Variants in HPSE2 observed in about 807,000 individuals in gnomAD.
HPSE2 encodes the protein heparanase 2 (inactive).
HPSE2 carries 38 observed loss-of-function variants against 60.5 expected under a neutral mutation model. The observed-to-expected ratio is 0.63, with a 90% confidence interval of 0.48 to 0.82. HPSE2 has a LOEUF of 0.82. HPSE2 is among the 40% of genes least tolerant of loss of function. The pLI is 0.00. For synonymous variants in HPSE2, 295 were observed against 293.2 expected, an observed-to-expected ratio of 1.01 and a Z score of -0.06; for missense variants, 713 against 740.4, an observed-to-expected ratio of 0.96 and a Z score of 0.43.
chr10:98,989,905 T>A (rs1956482000), intron 3 of HPSE2, among the ~76,000 whole-genome samples: 1 of 152,168 alleles, frequency 6.6e-6, no homozygotes, highest in South Asian at 2.1e-4. Context: ...CATCACTGAA[T>A]TTTTCCTCCT....
At chr10:98,532,604 C>A (rs968840541) in intron 9 of HPSE2, among the ~76,000 whole-genome samples, 8 of 152,098 alleles carry the variant, frequency 5.3e-5, no homozygotes, top group Non-Finnish European at 8.8e-5. Flanking sequence ...GTAAAGAAGA[C>A]CAGATTGGAA....
intron 4 of HPSE2, among the ~76,000 whole-genome samples, chr10:98,731,281 AAAC>A (rs34235958): frequency 5.3e-5 from 8 of 151,878 alleles, no homozygotes; most frequent in Admixed American, 6.6e-5. Flanking sequence ...CCTTTCTCAA[AAAC>A]AACAACAACA....
intron 3 of HPSE2, among the ~76,000 whole-genome samples, chr10:99,010,994 C>A (rs569797054): frequency 9.0e-4 from 97 of 107,322 alleles, no homozygotes; most frequent in Middle Eastern, 4.3e-3. Context: ...ATTTCCTGAT[C>A]CTCTCCCTCC....
intron 3 of HPSE2, among the ~76,000 whole-genome samples, chr10:98,844,053 T>C (rs994831168): frequency 2.0e-5 from 3 of 152,336 alleles, no homozygotes; most frequent in African/African-American, 4.8e-5. Flanking sequence ...GGCTTATTTA[T>C]ATGAAGCAAT....
At chr10:98,547,606 G>A (rs944495985) in intron 9 of HPSE2, among the ~76,000 whole-genome samples, 4 of 134,210 alleles carry the variant, frequency 3.0e-5, no homozygotes, top group Non-Finnish European at 4.6e-5. Context: ...ATTGAACAAT[G>A]AGAACACATG....
intron 3 of HPSE2, among the ~76,000 whole-genome samples, chr10:98,995,609 T>C (rs1283926413): frequency 6.6e-6 from 1 of 152,150 alleles, no homozygotes; most frequent in African/African-American, 2.4e-5. Context: ...CCCCTTAAGA[T>C]AAATATTCTA....
At chr10:98,543,297 C>G (rs1337335627) in intron 9 of HPSE2, among the ~76,000 whole-genome samples, 1 of 151,960 alleles carries the variant, frequency 6.6e-6, no homozygotes, top group Non-Finnish European at 1.5e-5. Context: ...TTGTCACCAC[C>G]AGGCCTGCCG....
intron 4 of HPSE2, among the ~76,000 whole-genome samples, chr10:98,724,350 T>A (rs1326436281): frequency 1.4e-4 from 22 of 151,974 alleles, no homozygotes; most frequent in Admixed American, 1.4e-3. Flanking sequence ...TAATTTCTGT[T>A]CTTTGACATT....
chr10:98,763,740 T>C (rs1358663281), intron 3 of HPSE2, among the ~76,000 whole-genome samples: 1 of 150,900 alleles, frequency 6.6e-6, no homozygotes, highest in African/African-American at 2.4e-5. Flanking sequence ...CTAGAGAATA[T>C]ATTTTTCAGG....
chr10:98,485,386 C>T (rs1941402866), intron 10 of HPSE2, among the ~76,000 whole-genome samples: 1 of 150,856 alleles, frequency 6.6e-6, no homozygotes, highest in Non-Finnish European at 1.5e-5. Context: ...GTGTTCAAGG[C>T]TTTTGGATGC....
chr10:98,609,882 C>T (rs1384195989), intron 9 of HPSE2, among the ~76,000 whole-genome samples: 2 of 147,356 alleles, frequency 1.4e-5, no homozygotes, highest in African/African-American at 5.1e-5. Flanking sequence ...CACTCTGTCG[C>T]CCAGGCTGGA....
intron 3 of HPSE2, among the ~76,000 whole-genome samples, chr10:99,115,360 T>A (rs1404061887): frequency 6.6e-6 from 1 of 152,120 alleles, no homozygotes; most frequent in Non-Finnish European, 1.5e-5. Context: ...TTCACCGTGT[T>A]AGCCAGGATG....
chr10:99,082,768 C>T (rs559804955), intron 3 of HPSE2, among the ~76,000 whole-genome samples: 3 of 152,254 alleles, frequency 2.0e-5, no homozygotes, highest in African/African-American at 7.2e-5. Flanking sequence ...TTTAATTTTG[C>T]TATTATTTCT....
intron 6 of HPSE2, among the ~76,000 whole-genome samples, chr10:98,655,399 C>T (rs1333325470): frequency 1.3e-5 from 2 of 152,164 alleles, no homozygotes; most frequent in Non-Finnish European, 2.9e-5. Context: ...TCCAGCAATT[C>T]ATGGGAATTA....
intron 3 of HPSE2, among the ~76,000 whole-genome samples, chr10:98,824,094 C>T (rs1217856749): frequency 1.3e-5 from 2 of 151,958 alleles, no homozygotes; most frequent in Non-Finnish European, 2.9e-5. Context: ...AACAATAGTT[C>T]AAAAGGGAAA....
At chr10:99,058,835 G>A (rs781558167) in intron 3 of HPSE2, among the ~76,000 whole-genome samples, 1 of 152,094 alleles carries the variant, frequency 6.6e-6, no homozygotes, top group Admixed American at 6.6e-5. Flanking sequence ...ATGGGGGCAA[G>A]GGAAGAAATA....
intron 3 of HPSE2, among the ~76,000 whole-genome samples, chr10:99,083,371 C>G (rs1843210004): frequency 6.6e-6 from 1 of 152,044 alleles, no homozygotes; most frequent in Non-Finnish European, 1.5e-5. Context: ...GATTTCTGCC[C>G]AAAGGAAAAT....
chr10:98,770,114 G>A (rs1008617577), intron 3 of HPSE2, among the ~76,000 whole-genome samples: 2 of 152,088 alleles, frequency 1.3e-5, no homozygotes, highest in African/African-American at 4.8e-5. Context: ...TGGCTAGAAA[G>A]TTCTCCGCTT....
chr10:98,960,064 T>C (rs1020533627), intron 3 of HPSE2, among the ~76,000 whole-genome samples: 1 of 152,108 alleles, frequency 6.6e-6, no homozygotes, highest in Non-Finnish European at 1.5e-5. Context: ...AAACCTAAAA[T>C]CTGGACTGTT....
Sources: allele counts gnomAD v4.1 joint callset (sites outside exome capture counted in the v4.1 genomes callset), GRCh38; gene constraint gnomAD v4.1.1; transcripts MANE v1.5; gene names NCBI Gene and HGNC (gene_info 2026-07-23, HGNC 2026-07-21).